The following ARHGAP12 variants were observed in gnomAD, a reference collection of about 807,000 sequenced individuals.
ARHGAP12 encodes rho GTPase-activating protein 12.
ARHGAP12 carries 64 observed loss-of-function variants against 108.6 expected under a neutral mutation model. The ratio of observed to expected loss-of-function variants is 0.59; its 90% CI spans 0.48 to 0.73. The LOEUF (loss-of-function observed/expected upper bound fraction) is 0.73, where lower values mean the gene tolerates loss of function less well. Ranked by LOEUF, ARHGAP12 falls within the 30% of genes least tolerant of loss-of-function variation. ARHGAP12 has a pLI of 0.00. For synonymous variants in ARHGAP12, 312 were observed against 337.2 expected (o/e 0.93, Z 0.82); for missense variants, 940 against 1,005.9 (o/e 0.93, Z 0.89).
intron 3 of ARHGAP12, among the ~76,000 whole-genome samples, chr10:31,871,926 C>T (rs1837556715): frequency 6.6e-6 from 1 of 152,130 alleles, no homozygotes; most frequent in Non-Finnish European, 1.5e-5. Context: ...AAGATAGAGC[C>T]CACATCTCTC....
At chr10:31,848,494 G>A (rs1286978863) in intron 6 of ARHGAP12, among the ~76,000 whole-genome samples, 4 of 151,540 alleles carry the variant, frequency 2.6e-5, no homozygotes, top group Admixed American at 6.6e-5. Context: ...TCTTCTTTTG[G>A]AATTCCTAAT....
intron 1 of ARHGAP12, among the ~76,000 whole-genome samples, chr10:31,924,123 C>T (rs879726260): frequency 2.6e-5 from 4 of 152,178 alleles, no homozygotes; most frequent in Non-Finnish European, 5.9e-5. Context: ...AATGGTACAA[C>T]CACTGCGGAA....
chr10:31,853,886 G>C (rs1836789260), intron 5 of ARHGAP12, among the ~76,000 whole-genome samples, 180 bp downstream of exon 5: 1 of 152,118 alleles, frequency 6.6e-6, no homozygotes, highest in African/African-American at 2.4e-5. Context: ...ATCATCCTTA[G>C]CAGTTTAAAA....
intron 4 of ARHGAP12, among the ~76,000 whole-genome samples, chr10:31,856,806 ACT>A (rs1836903194): frequency 6.6e-6 from 1 of 152,104 alleles, no homozygotes; most frequent in Admixed American, 6.6e-5. Flanking sequence ...GTATAATCAG[ACT>A]CTCTAAAACT....
At position 31,805,735 on chromosome 10, in the gene ARHGAP12, C is replaced by T. The variant is rs918606166; in HGVS notation, c.*1923G>A. The T allele has an allele frequency of 6.6e-5, 10 of 151,304 alleles. No homozygotes were observed. The highest frequency in any genetic ancestry group is 2.0e-4 in the Admixed American group (3 of 15,164). The allele number at this position is 151,304 out of a possible 1,614,324, so 9.4% of individuals were successfully genotyped here. A position where few individuals can be genotyped will look rare whatever the true frequency, so the allele number is the denominator to read the frequency against. On this transcript the variant is annotated 3_prime_UTR_variant, in exon 20 of 20. Transcript: ENST00000344936. ...ACAATTTTAATCTTTGATATATGTT[C>T]ATGAACACCAAGAACAAGAACATCA...
chr10:31,891,173 T>C (rs1397943494), intron 3 of ARHGAP12, among the ~76,000 whole-genome samples: 3 of 152,220 alleles, frequency 2.0e-5, no homozygotes, highest in East Asian at 1.9e-4. Flanking sequence ...TTGTTCTATA[T>C]AAAAATTTTC....
intron 13 of ARHGAP12, among the ~76,000 whole-genome samples, chr10:31,815,133 A>G (rs917763665): frequency 2.1e-5 from 3 of 145,084 alleles, no homozygotes; most frequent in African/African-American, 5.7e-5. Context: ...AAAAAAAAAA[A>G]AAAGAAAGAA....
chr10:31,807,832 T>A lies in ARHGAP12; in HGVS notation c.2367A>T (p.Arg789Ser). 6.6e-7 allele frequency: 1 copy of A among 1,504,850 alleles called. No homozygotes were observed. Among genetic ancestry groups the A allele is most frequent in the Non-Finnish European group, 8.9e-7 (1 of 1,125,464 alleles). The allele number at this position is 1,504,850 out of a possible 1,614,324, so 93.2% of individuals were successfully genotyped here. Residue 789 changes from arginine (R) to serine (S), a missense_variant and splice_region_variant, in exon 20 of 20, where the codon AGA becomes AGT. Arg to Ser is a moderately radical substitution (Grantham distance 110). Transcript: ENST00000344936. ...TMQILFRHLRRVIENGEKNRM... is the reference protein window; with the variant it reads ...TMQILFRHLRSVIENGEKNRM... ...GATTTTTCTCTCCATTTTCTATAACTCTGAAGGGAAAAAAAGAAGTTGTTA... is the reference window on the plus strand; with the variant it reads ...GATTTTTCTCTCCATTTTCTATAACACTGAAGGGAAAAAAAGAAGTTGTTA...
intron 3 of ARHGAP12, among the ~76,000 whole-genome samples, chr10:31,873,037 C>T (rs1837601006): frequency 6.6e-6 from 1 of 152,148 alleles, no homozygotes; most frequent in African/African-American, 2.4e-5. Flanking sequence ...CATGGGCTTC[C>T]TGTGCATCTA....
intron 10 of ARHGAP12, among the ~76,000 whole-genome samples, chr10:31,827,143 G>C (rs192660879): frequency 3.0e-3 from 458 of 152,202 alleles, no homozygotes; most frequent in Non-Finnish European, 5.3e-3. Flanking sequence ...CACAGCATAT[G>C]TATTATCAGT....
chr10:31,875,238 A>T (rs1386632034), intron 3 of ARHGAP12, among the ~76,000 whole-genome samples: 2 of 152,166 alleles, frequency 1.3e-5, no homozygotes, highest in African/African-American at 2.4e-5. Flanking sequence ...TTCTGGAATG[A>T]TCTTTAAGAA....
chr10:31,856,473 T>TG (rs1836890917), intron 4 of ARHGAP12, among the ~76,000 whole-genome samples: 5 of 152,142 alleles, frequency 3.3e-5, no homozygotes, highest in African/African-American at 9.7e-5. Flanking sequence ...CAAATTTTGC[T>TG]CCTTTATTCC....
At chr10:31,821,317 C>A (rs944133608) in intron 11 of ARHGAP12, among the ~76,000 whole-genome samples, 1 of 151,994 alleles carries the variant, frequency 6.6e-6, no homozygotes, top group Non-Finnish European at 1.5e-5. Flanking sequence ...AAAAGATTAG[C>A]AAAAGTAGTA....
chr10:31,875,337 G>C (rs974244025), intron 3 of ARHGAP12, among the ~76,000 whole-genome samples: 1 of 152,316 alleles, frequency 6.6e-6, no homozygotes, highest in East Asian at 1.9e-4. Context: ...AGAAAAAGTA[G>C]AGTAGGTAAG....
intron 3 of ARHGAP12, among the ~76,000 whole-genome samples, chr10:31,901,316 G>A (rs1022572420): frequency 2.0e-5 from 3 of 151,690 alleles, no homozygotes; most frequent in Non-Finnish European, 2.9e-5. Context: ...AGGATCACTT[G>A]AGGTCAGGAA....
chr10:31,833,350 C>G (rs1468500368), intron 9 of ARHGAP12, among the ~76,000 whole-genome samples: 2 of 147,126 alleles, frequency 1.4e-5, no homozygotes, highest in African/African-American at 5.0e-5. Flanking sequence ...AAAAAAAAAG[C>G]AGAGGCAGGA....
intron 4 of ARHGAP12, among the ~76,000 whole-genome samples, chr10:31,858,689 A>G (rs1836989978): frequency 6.6e-6 from 1 of 152,200 alleles, no homozygotes; most frequent in African/African-American, 2.4e-5. Context: ...TGATTGTTCT[A>G]GGGTAACCAC....
At position 31,852,507 on chromosome 10, in the gene ARHGAP12, G is replaced by C. The variant is rs748684600; in HGVS notation, c.1170+10C>G. 1.3e-6 allele frequency: 2 copies of C among 1,589,854 alleles called. No individual in the cohort carries two copies. The highest frequency in any genetic ancestry group is 2.2e-5 in the South Asian group (2 of 90,422). ...TTTTTAAATAGAAATTCGGTGTCAA[G>C]GTTTATTACCTTTGGCAATTCCCAT... On this transcript the variant is annotated intron_variant, in intron 6 of 19. Transcript: ENST00000344936.
chr10:31,916,334 A>C (rs899971337), intron 1 of ARHGAP12, among the ~76,000 whole-genome samples: 3 of 152,082 alleles, frequency 2.0e-5, no homozygotes, highest in Non-Finnish European at 4.4e-5. Context: ...ACGTTTCAAC[A>C]ACCACCACCC....
Sources: gnomAD v4.1 joint callset for allele counts (sites outside exome capture counted in the v4.1 genomes callset) on GRCh38, gnomAD v4.1.1 for gene constraint, MANE v1.5 for transcripts, NCBI Gene and HGNC (gene_info 2026-07-23, HGNC 2026-07-21) for gene names.